LRRIQ3: variants seen among roughly 807,000 people sequenced by gnomAD.
LRRIQ3 encodes leucine-rich repeat and IQ domain-containing protein 3.
In LRRIQ3, 75 loss-of-function variants were observed where a neutral mutation model predicts 59.3. The ratio of observed to expected loss-of-function variants is 1.26; its 90% CI spans 1.05 to 1.53. The LOEUF (loss-of-function observed/expected upper bound fraction) is 1.53, where lower values mean the gene tolerates loss of function less well. LRRIQ3 is among the 40% of genes most tolerant of loss of function. The pLI is 0.00. For synonymous variants in LRRIQ3, 250 were observed against 231.3 expected, an observed-to-expected ratio of 1.08 and a Z score of -0.73; for missense variants, 831 against 710.0, an observed-to-expected ratio of 1.17 and a Z score of -1.94.
intron 5 of LRRIQ3, among the ~76,000 whole-genome samples, chr1:74,099,844 C>G (rs1308617315): frequency 6.6e-6 from 1 of 152,068 alleles, no homozygotes; most frequent in Non-Finnish European, 1.5e-5. Flanking sequence ...AGGCCTTTGA[C>G]AGAATTCAAC....
At chr1:74,030,111 A>C (rs1467043981) in intron 7 of LRRIQ3, among the ~76,000 whole-genome samples, 1 of 152,060 alleles carries the variant, frequency 6.6e-6, no homozygotes, top group Non-Finnish European at 1.5e-5. Flanking sequence ...CTGCTCAACA[A>C]AATAAAAGAG....
At chr1:74,121,683 G>T (rs1319819350) in intron 4 of LRRIQ3, among the ~76,000 whole-genome samples, 1 of 151,910 alleles carries the variant, frequency 6.6e-6, no homozygotes, top group Non-Finnish European at 1.5e-5. Flanking sequence ...GCTGCACCCA[G>T]TAACTTGTCA....
intron 4 of LRRIQ3, 164 bp downstream of exon 4, chr1:74,155,569 T>C: frequency 2.2e-6 from 1 of 447,966 alleles, no homozygotes; most frequent in East Asian, 4.1e-5. Flanking sequence ...AATATTATAT[T>C]ACTATAGAGT....
At chr1:74,030,920 TAACA>T (rs1179516289) in intron 7 of LRRIQ3, among the ~76,000 whole-genome samples, 1 of 151,270 alleles carries the variant, frequency 6.6e-6, no homozygotes, top group Non-Finnish European at 1.5e-5. Flanking sequence ...TACAAGAAAA[TAACA>T]AACAACCCCA....
At chr1:74,060,209 C>CTTG (rs1205124967) in intron 6 of LRRIQ3, among the ~76,000 whole-genome samples, 1 of 43,166 alleles carries the variant, frequency 2.3e-5, no homozygotes, top group African/African-American at 5.6e-5. Context: ...TCTTCTTCTT[C>CTTG]TTCTTCTTCT....
intron 4 of LRRIQ3, among the ~76,000 whole-genome samples, chr1:74,111,934 G>A (rs1229857182): frequency 6.6e-6 from 1 of 152,088 alleles, no homozygotes; most frequent in Non-Finnish European, 1.5e-5. Flanking sequence ...ATTATGTCAG[G>A]AAAGAATAGT....
At chr1:74,194,404 T>C (rs961329416) in intron 1 of LRRIQ3, among the ~76,000 whole-genome samples, 2 of 152,188 alleles carry the variant, frequency 1.3e-5, no homozygotes, top group African/African-American at 2.4e-5. Context: ...CAAAACATTA[T>C]ATTTTCATGG....
At chr1:74,046,822 T>C (rs1482673224) in intron 6 of LRRIQ3, among the ~76,000 whole-genome samples, 1 of 152,152 alleles carries the variant, frequency 6.6e-6, no homozygotes, top group African/African-American at 2.4e-5. Flanking sequence ...AAGAAGGCAT[T>C]TATGTGGCCA....
intron 4 of LRRIQ3, among the ~76,000 whole-genome samples, chr1:74,145,485 T>C (rs1446401363): frequency 1.3e-5 from 2 of 152,172 alleles, no homozygotes; most frequent in Admixed American, 1.3e-4. Context: ...TAGCTTCCGC[T>C]GTTTGCAAGT....
At chr1:74,151,852 A>G (rs1360779182) in intron 4 of LRRIQ3, among the ~76,000 whole-genome samples, 1 of 152,196 alleles carries the variant, frequency 6.6e-6, no homozygotes, top group Non-Finnish European at 1.5e-5. Context: ...GACAGCAGAA[A>G]GAGAACCACG....
At chr1:74,154,244 A>AAAAAAAAAAAC (rs1648182529) in intron 4 of LRRIQ3, among the ~76,000 whole-genome samples, 1 of 12,370 alleles carries the variant, frequency 8.1e-5, no homozygotes, top group African/African-American at 1.7e-4. Flanking sequence ...CCTTCTCAAA[A>AAAAAAAAAAAC]AAAAAAAAAA....
At chr1:74,049,636 G>A (rs1198211492) in intron 6 of LRRIQ3, among the ~76,000 whole-genome samples, 1 of 152,076 alleles carries the variant, frequency 6.6e-6, no homozygotes, top group African/African-American at 2.4e-5. Flanking sequence ...AAAACTGCAG[G>A]AAAAGCAGAT....
intron 1 of LRRIQ3, among the ~76,000 whole-genome samples, chr1:74,191,761 T>G (rs1343654949): frequency 2.0e-5 from 3 of 152,018 alleles, no homozygotes; most frequent in African/African-American, 7.3e-5. Context: ...TTAGCAAAAT[T>G]TGTGGGATAT....
chr1:74,143,883 T>C (rs1221345136), intron 4 of LRRIQ3, among the ~76,000 whole-genome samples: 1 of 151,842 alleles, frequency 6.6e-6, no homozygotes, highest in African/African-American at 2.4e-5. Flanking sequence ...TATAAATGTT[T>C]TATACTTAAA....
chr1:74,089,125 G>T lies in LRRIQ3; in HGVS notation c.868-14335C>A, dbSNP rs72960171. ...CCACCATGAGATTACTTTGTATCCT[G>T]TAGAACAGTTATAATCATAAAGACA... On this transcript the variant is annotated intron_variant, in intron 5 of 7. Coordinates refer to ENST00000354431, the MANE Select transcript of LRRIQ3 (RefSeq NM_001105659.2). Among the ~76,000 whole-genome samples the T allele has an allele frequency of 4.3e-3, 661 of 152,136 alleles. 6 individuals carry two copies. Among genetic ancestry groups the T allele is most frequent in the African/African-American group, 0.015 (624 of 41,556 alleles).
At chr1:74,080,185 G>A (rs1194593516) in intron 5 of LRRIQ3, among the ~76,000 whole-genome samples, 1 of 151,322 alleles carries the variant, frequency 6.6e-6, no homozygotes, top group Non-Finnish European at 1.5e-5. Flanking sequence ...AACCAAAACA[G>A]CAATTAAAGA....
chr1:74,157,357 T>C (rs1648399452), intron 3 of LRRIQ3, among the ~76,000 whole-genome samples: 1 of 152,100 alleles, frequency 6.6e-6, no homozygotes. Context: ...TTTTTTTGTC[T>C]AAGATTGGCA....
At chr1:74,142,840 G>C (rs1209686718) in intron 4 of LRRIQ3, among the ~76,000 whole-genome samples, 1 of 151,908 alleles carries the variant, frequency 6.6e-6, no homozygotes, top group African/African-American at 2.4e-5. Flanking sequence ...AGTGCAGGAA[G>C]ACCCACAGAT....
rs185818444 is a variant in LRRIQ3, at chr1:74,062,898, G to C, written c.997+11763C>G. Among the ~76,000 whole-genome samples, 11 of 151,880 alleles carry C rather than the reference G, an allele frequency of 7.2e-5. No homozygotes were observed. In the South Asian group the frequency reaches 2.3e-3, roughly 32 times the overall value. On this transcript the variant is annotated intron_variant, in intron 6 of 7. Transcript: ENST00000354431. ...TATCGGATACTATGCCTATTACCTGGGTGAGGAAATAATCTGTACACCAAA... is the reference window on the plus strand; with the variant it reads ...TATCGGATACTATGCCTATTACCTGCGTGAGGAAATAATCTGTACACCAAA...
Sources: gnomAD v4.1 joint callset for allele counts (sites outside exome capture counted in the v4.1 genomes callset) on GRCh38, gnomAD v4.1.1 for gene constraint, MANE v1.5 for transcripts, NCBI Gene and HGNC (gene_info 2026-07-23, HGNC 2026-07-21) for gene names.